NDST3: variants seen among roughly 807,000 people sequenced by gnomAD.
NDST3 encodes the protein N-deacetylase and N-sulfotransferase 3.
In NDST3, 58 loss-of-function variants were observed where a neutral mutation model predicts 96.1. The ratio of observed to expected loss-of-function variants is 0.60; its 90% CI spans 0.49 to 0.75. The LOEUF (loss-of-function observed/expected upper bound fraction) is 0.75. Among genes scored for constraint, NDST3 ranks in the 30% least tolerant of loss-of-function variants. The pLI, the probability that NDST3 is intolerant of heterozygous loss-of-function variation, is 0.00. For missense variants in NDST3, 788 were observed against 1,034.2 expected (o/e 0.76, Z 3.27); for synonymous variants, 333 against 359.7 (o/e 0.93, Z 0.84).
chr4:118,138,283 G>C lies in NDST3; in HGVS notation c.1410+44G>C, dbSNP rs867623810. On this transcript the variant is annotated intron_variant, in intron 5 of 13. Coordinates refer to ENST00000296499, the MANE Select transcript of NDST3 (RefSeq NM_004784.3). ...GCATAGGGTACAACTAATTCTGCAA[G>C]ATTTCATTCCTCACTTGAAGAAAGA... 4.0e-6 allele frequency: 6 copies of C among 1,490,042 alleles called. No individual in the cohort carries two copies. The African/African-American group carries it at 7.1e-5, about 18-fold the overall frequency. The allele number at this position is 1,490,042 out of a possible 1,614,324, so 92.3% of individuals were successfully genotyped here. A position where few individuals can be genotyped will look rare whatever the true frequency, so the allele number is the denominator to read the frequency against.
chr4:118,249,731 T>TACACACAC (rs60479821), intron 12 of NDST3, among the ~76,000 whole-genome samples: 4,617 of 145,568 alleles, frequency 0.032, 144 homozygotes, highest in African/African-American at 0.079. Flanking sequence ...CAGCCCCACA[T>TACACACAC]ACACACACAC....
chr4:118,245,002 C>G (rs908324184), intron 12 of NDST3, among the ~76,000 whole-genome samples: 1 of 152,132 alleles, frequency 6.6e-6, no homozygotes, highest in Non-Finnish European at 1.5e-5. Flanking sequence ...ATTTACAACT[C>G]TTGTTCCACA....
chr4:118,188,497 G>A (rs888566893), intron 6 of NDST3, among the ~76,000 whole-genome samples: 3 of 151,876 alleles, frequency 2.0e-5, no homozygotes, highest in African/African-American at 2.4e-5. Context: ...TTGTTTCTCC[G>A]ATTTAGGTGC....
chr4:118,134,192 A>G (rs1732880684), intron 4 of NDST3, among the ~76,000 whole-genome samples: 2 of 152,190 alleles, frequency 1.3e-5, no homozygotes, highest in Admixed American at 1.3e-4. Context: ...TGAGGTAGAA[A>G]AGTGCTTGGT....
rs1420728569 is a variant in NDST3 at position 118,233,059 on chromosome 4, A to G, written c.1867A>G (p.Ser623Gly). 5 of 1,613,026 alleles carry G rather than the reference A, an allele frequency of 3.1e-6. No homozygotes were observed. The highest frequency in any genetic ancestry group is 4.2e-6 in the Non-Finnish European group (5 of 1,179,072). ...CCTGGTTATGCATCCTTCCATCCTT[A>G]GTAACTCCCCCAGCCCAAAAACCTT... ...LFLVMHPSIL[S>G]NSPSPKTFEE... Residue 623 changes from serine (S) to glycine (G), a missense_variant, in exon 9 of 14, where the codon AGT (serine) becomes GGT (glycine). Ser to Gly is a moderately conservative substitution (Grantham distance 56, BLOSUM62 0). Transcript: ENST00000296499.
intron 12 of NDST3, 84 bp downstream of exon 12, chr4:118,242,233 A>G (rs1741051765): frequency 3.4e-6 from 3 of 876,202 alleles, no homozygotes; most frequent in South Asian, 3.2e-5. Flanking sequence ...TACAACTGTC[A>G]GGTTACTTGT....
chr4:118,176,384 T>C (rs1736281677), intron 6 of NDST3, among the ~76,000 whole-genome samples: 1 of 152,186 alleles, frequency 6.6e-6, no homozygotes, highest in Non-Finnish European at 1.5e-5. Flanking sequence ...CATAACATTA[T>C]ATGCAGATAG....
At chr4:118,096,121 T>C (rs1046673095) in intron 2 of NDST3, among the ~76,000 whole-genome samples, 1 of 151,934 alleles carries the variant, frequency 6.6e-6, no homozygotes, top group Non-Finnish European at 1.5e-5. Context: ...GGTAATTCTA[T>C]GTTTAACTTT....
At chr4:118,172,910 C>A (rs1736042837) in intron 6 of NDST3, among the ~76,000 whole-genome samples, 1 of 151,990 alleles carries the variant, frequency 6.6e-6, no homozygotes, top group African/African-American at 2.4e-5. Flanking sequence ...TTCTAAAAGT[C>A]CATAGTGTGA....
chr4:118,213,828 C>T (rs1461312733), intron 6 of NDST3, among the ~76,000 whole-genome samples: 1 of 151,390 alleles, frequency 6.6e-6, no homozygotes, highest in Non-Finnish European at 1.5e-5. Flanking sequence ...TTTACCTTGA[C>T]TGTATAATTT....
intron 6 of NDST3, among the ~76,000 whole-genome samples, chr4:118,165,128 A>T (rs1318987731): frequency 2.0e-5 from 3 of 152,118 alleles, no homozygotes; most frequent in African/African-American, 7.2e-5. Flanking sequence ...ATCAAAATGG[A>T]TATAGTAGCT....
At position 118,062,651 on chromosome 4, in the gene NDST3, G is replaced by A. The variant is rs889459871; in HGVS notation, c.981+7760G>A. On this transcript the variant is annotated intron_variant, in intron 2 of 13. Transcript: ENST00000296499. ...AAATAATTTTATAATTTAACATGGCGAAATCATAAAATAGATTAGCAAAGG... is the reference window on the plus strand; with the variant it reads ...AAATAATTTTATAATTTAACATGGCAAAATCATAAAATAGATTAGCAAAGG... Among the ~76,000 whole-genome samples the A allele has an allele frequency of 1.2e-4, 18 of 150,408 alleles. No individual in the cohort carries two copies. The South Asian group carries it at 2.5e-3, about 21-fold the overall frequency.
chr4:118,067,745 T>A (rs1228079468), intron 2 of NDST3, among the ~76,000 whole-genome samples: 2 of 151,962 alleles, frequency 1.3e-5, no homozygotes, highest in African/African-American at 4.8e-5. Flanking sequence ...ATTGACACAA[T>A]GTCAGTGTGG....
intron 11 of NDST3, 80 bp downstream of exon 11, chr4:118,240,774 A>T: frequency 7.5e-7 from 1 of 1,341,304 alleles, no homozygotes; most frequent in South Asian, 1.5e-5. Context: ...AAAATTTTCA[A>T]TTGTTAAACT....
chr4:118,163,368 T>C (rs1578751489), intron 6 of NDST3, among the ~76,000 whole-genome samples: 1 of 152,150 alleles, frequency 6.6e-6, no homozygotes, highest in African/African-American at 2.4e-5. Context: ...CCAATAATGA[T>C]AGACTGGATT....
Position 118,065,204 on chromosome 4 carries a change from A to G in NDST3, c.981+10313A>G, listed in dbSNP as rs137984769. Among the ~76,000 whole-genome samples the G allele has an allele frequency of 7.9e-5, 12 of 152,236 alleles. No individual in the cohort carries two copies. In the East Asian group the frequency reaches 2.3e-3, roughly 29 times the overall value. On this transcript the variant is annotated intron_variant, in intron 2 of 13. Coordinates refer to ENST00000296499, the MANE Select transcript of NDST3 (RefSeq NM_004784.3). The stretch of plus-strand genomic sequence containing the variant: ...CACAAGCTATGCTCTTCAGGTAATC[A>G]TGCTACAATTCTTACAACGACTCAA...
intron 6 of NDST3, among the ~76,000 whole-genome samples, chr4:118,173,549 C>A (rs1198240833): frequency 6.6e-6 from 1 of 151,916 alleles, no homozygotes; most frequent in Non-Finnish European, 1.5e-5. Flanking sequence ...AACAAAAAAA[C>A]AAAAACAAAA....
chr4:118,247,945 T>C (rs967383147), intron 12 of NDST3, among the ~76,000 whole-genome samples: 1 of 152,220 alleles, frequency 6.6e-6, no homozygotes, highest in Non-Finnish European at 1.5e-5. Flanking sequence ...CCCATAGAAA[T>C]GGTTTTTCGA....
At chr4:118,093,526 C>A (rs1017129444) in intron 2 of NDST3, among the ~76,000 whole-genome samples, 5 of 151,842 alleles carry the variant, frequency 3.3e-5, no homozygotes, top group Non-Finnish European at 5.9e-5. Flanking sequence ...ATTTATCTAG[C>A]CATTTGCCTG....
Sources: allele counts gnomAD v4.1 joint callset (sites outside exome capture counted in the v4.1 genomes callset), GRCh38; gene constraint gnomAD v4.1.1; transcripts MANE v1.5; gene names NCBI Gene and HGNC (gene_info 2026-07-23, HGNC 2026-07-21).